The following CACNA1E variants were observed in gnomAD, a reference collection of about 807,000 sequenced individuals.
The protein encoded by CACNA1E is calcium voltage-gated channel subunit alpha1 E.
A neutral mutation model predicts 259.2 loss-of-function variants in CACNA1E; 40 were observed. The observed-to-expected ratio is 0.15, with a 90% CI of 0.12 to 0.20. CACNA1E has a LOEUF of 0.20. Ranked by LOEUF, CACNA1E falls within the 10% of genes least tolerant of loss-of-function variation. The pLI, the probability that CACNA1E is intolerant of heterozygous loss-of-function variation, is 1.00. For synonymous variants in CACNA1E, 1,104 were observed against 1,138.5 expected (o/e 0.97, Z 0.61); for missense variants, 1,874 against 3,040.1 (o/e 0.62, Z 9.02).
intron 46 of CACNA1E, among the ~76,000 whole-genome samples, chr1:181,795,754 GC>G: frequency 1.0e-5 from 1 of 98,156 alleles, no homozygotes; most frequent in East Asian, 2.2e-4. Flanking sequence ...TTTCTTTTAA[GC>G]TTTTTGCTTT....
chr1:181,513,521 A>G (rs181554752), intron 3 of CACNA1E, among the ~76,000 whole-genome samples: 2 of 152,356 alleles, frequency 1.3e-5, no homozygotes, highest in Non-Finnish European at 2.9e-5. Context: ...TCTTTTGGAT[A>G]TCACATTTTA....
In CACNA1E at chr1:181,796,732, T is replaced by C. The variant is rs141594716; in HGVS notation, c.6273T>C (p.His2091=). 5.0e-6 allele frequency: 8 copies of C among 1,613,126 alleles called. No individual in the cohort carries two copies. In the African/African-American group the frequency reaches 1.1e-4, roughly 21 times the overall value. The change falls in exon 47 of 48, where the codon CAT becomes CAC. Residue 2091 remains histidine, a synonymous_variant. Transcript: ENST00000367573. The part of the protein sequence containing the change: ...RERGRSKERK[H]LLSPDVSRCN... ...GGGGACGATCAAAAGAGCGAAAGCA[T>C]CTTCTCTCTCCTGATGTCTCCCGCT... is the stretch of plus-strand genomic sequence containing the variant.
At chr1:181,499,190 C>T (rs909470146) in intron 1 of CACNA1E, among the ~76,000 whole-genome samples, 1 of 152,160 alleles carries the variant, frequency 6.6e-6, no homozygotes, top group Non-Finnish European at 1.5e-5. Flanking sequence ...CTTAGGCAAG[C>T]ACTCATCTCA....
At chr1:181,597,510 G>A (rs986042079) in intron 6 of CACNA1E, among the ~76,000 whole-genome samples, 9 of 152,216 alleles carry the variant, frequency 5.9e-5, no homozygotes, top group Non-Finnish European at 1.0e-4. Flanking sequence ...GACAGGAAAC[G>A]TGGATAAACG....
intron 2 of CACNA1E, among the ~76,000 whole-genome samples, chr1:181,474,096 T>C (rs1662686005): frequency 6.6e-6 from 1 of 152,090 alleles, no homozygotes; most frequent in African/African-American, 2.4e-5. Flanking sequence ...TTTTTCTTTT[T>C]TTTACAGCTC....
At chr1:181,457,321 G>A (rs184169655) in intron 2 of CACNA1E, among the ~76,000 whole-genome samples, 1 of 152,230 alleles carries the variant, frequency 6.6e-6, no homozygotes, top group Non-Finnish European at 1.5e-5. Flanking sequence ...CCATCCCCGT[G>A]GGGGGTTAGG....
rs745386431 is a variant in CACNA1E, at chr1:181,798,813, G to A, written c.6921G>A (p.Thr2307=). 1.5e-5 allele frequency: 23 copies of A among 1,526,926 alleles called. No homozygotes were observed. The South Asian group carries it at 1.9e-4, about 12-fold the overall frequency. The allele number at this position is 1,526,926 out of a possible 1,614,324, so 94.6% of individuals were successfully genotyped here. A position where few individuals can be genotyped will look rare whatever the true frequency, so the allele number is the denominator to read the frequency against. ...CTGTCAACAACCTGCTAAGTGACAC[G>A]GAAGAAGATGACAAATGCTAGAGGC... The part of the protein sequence containing the change: ...CGAVNNLLSD[T]EEDDKC The change falls in exon 48 of 48, where the codon ACG becomes ACA. Residue 2307 remains threonine, a synonymous_variant. Transcript: ENST00000367573. This position sits in a 1 kb window ranked among gnomAD's most constrained non-coding sequence, Gnocchi z 4.2.
At chr1:181,491,228 T>A (rs1024231757) in intron 1 of CACNA1E, among the ~76,000 whole-genome samples, 1 of 152,224 alleles carries the variant, frequency 6.6e-6, no homozygotes, top group Non-Finnish European at 1.5e-5. Context: ...TCCATCAACA[T>A]CAAGGCTAAT....
At chr1:181,683,084 T>G (rs1650150524) in intron 7 of CACNA1E, among the ~76,000 whole-genome samples, 1 of 152,216 alleles carries the variant, frequency 6.6e-6, no homozygotes, top group Admixed American at 6.5e-5. Context: ...CATGTCCCAT[T>G]TATGGCATAT....
intron 3 of CACNA1E, among the ~76,000 whole-genome samples, chr1:181,542,716 A>T (rs747998673): frequency 3.9e-4 from 60 of 151,946 alleles, no homozygotes; most frequent in Admixed American, 6.6e-4. Flanking sequence ...TCTTTCCCTT[A>T]TAAATTACCC....
At chr1:181,452,147 T>C (rs1438266276) in intron 2 of CACNA1E, among the ~76,000 whole-genome samples, 1 of 152,188 alleles carries the variant, frequency 6.6e-6, no homozygotes, top group East Asian at 1.9e-4. Flanking sequence ...TAATCCTGAA[T>C]AGAAGAGGCT....
intron 7 of CACNA1E, among the ~76,000 whole-genome samples, chr1:181,703,653 ATCT>A (rs1477468405): frequency 6.6e-6 from 1 of 152,216 alleles, no homozygotes; most frequent in Non-Finnish European, 1.5e-5. Flanking sequence ...TAAAAGAATA[ATCT>A]TCTTTGAGTT....
At chr1:181,353,998 A>G (rs1653235378) in intron 1 of CACNA1E, among the ~76,000 whole-genome samples, 1 of 152,228 alleles carries the variant, frequency 6.6e-6, no homozygotes, top group Non-Finnish European at 1.5e-5. Context: ...GTAAACAGCC[A>G]CTTCTCTGAG....
At chr1:181,687,294 A>G (rs1453758522) in intron 7 of CACNA1E, among the ~76,000 whole-genome samples, 2 of 152,196 alleles carry the variant, frequency 1.3e-5, no homozygotes, top group East Asian at 1.9e-4. Context: ...TTAATGAACA[A>G]TAGGATCTAT....
chr1:181,619,488 G>T (rs577183468), intron 6 of CACNA1E, among the ~76,000 whole-genome samples: 1 of 152,244 alleles, frequency 6.6e-6, no homozygotes, highest in Admixed American at 6.5e-5. Flanking sequence ...AACTTGGGGT[G>T]AGTTAGGAAG....
chr1:181,536,067 G>A (rs16857574), intron 3 of CACNA1E, among the ~76,000 whole-genome samples: 12,628 of 152,082 alleles, frequency 0.083, 638 homozygotes, highest in South Asian at 0.25. Context: ...TTTTGGTGCT[G>A]TAAAATTTCA....
In CACNA1E at chr1:181,776,369, A is replaced by G; in HGVS notation, c.5267+141A>G. 1 of 821,374 alleles carries G rather than the reference A, an allele frequency of 1.2e-6. No individual in the cohort carries two copies. Among genetic ancestry groups the G allele is most frequent in the Non-Finnish European group, 2.0e-6 (1 of 503,792 alleles). The allele number at this position is 821,374 out of a possible 1,614,324, so 50.9% of individuals were successfully genotyped here. ...GATTCCTCTTGATTGTGGCCCATAGAAGAGGCTCTGGTATCAAGCCAGTCA... is the reference window on the plus strand; with the variant it reads ...GATTCCTCTTGATTGTGGCCCATAGGAGAGGCTCTGGTATCAAGCCAGTCA... On this transcript the variant is annotated intron_variant, in intron 38 of 47. Coordinates refer to ENST00000367573, the MANE Select transcript of CACNA1E (RefSeq NM_001205293.3). The surrounding 1 kb of genome is among the most constrained non-coding windows in gnomAD (Gnocchi z 4.4).
intron 3 of CACNA1E, among the ~76,000 whole-genome samples, chr1:181,531,285 A>G (rs1166313857): frequency 1.8e-4 from 27 of 152,192 alleles, no homozygotes; most frequent in Admixed American, 1.6e-3. Flanking sequence ...AACCAGTCTA[A>G]GACCTGGCTT....
At chr1:181,501,021 A>G (rs1175282629) in intron 1 of CACNA1E, among the ~76,000 whole-genome samples, 1 of 152,222 alleles carries the variant, frequency 6.6e-6, no homozygotes, top group Non-Finnish European at 1.5e-5. Context: ...CCAATTCATC[A>G]GAGTGTCATC....
Sources: gnomAD v4.1 joint callset for allele counts (sites outside exome capture counted in the v4.1 genomes callset) on GRCh38, gnomAD v4.1.1 for gene constraint, Gnocchi (gnomAD v3.1) non-coding constraint, MANE v1.5 for transcripts, NCBI Gene and HGNC (gene_info 2026-07-23, HGNC 2026-07-21) for gene names.